The following AKAP9 variants were observed in gnomAD, a reference collection of about 807,000 sequenced individuals.
AKAP9 encodes A-kinase anchoring protein 9.
Under a neutral mutation model 488.5 loss-of-function variants are expected in AKAP9, and 311 were observed. The observed-to-expected ratio is 0.64, with a 90% CI of 0.58 to 0.70. The LOEUF (loss-of-function observed/expected upper bound fraction) is 0.70, where lower values mean the gene tolerates loss of function less well. Ranked by LOEUF, AKAP9 falls within the 30% of genes least tolerant of loss-of-function variation. AKAP9 has a pLI of 0.00. For synonymous variants in AKAP9, 1,462 were observed against 1,483.5 expected (o/e 0.99, Z 0.33); for missense variants, 4,215 against 4,374.5 (o/e 0.96, Z 1.03).
chr7:92,065,159 G>GTTA, intron 24 of AKAP9, 72 bp from the exon 25 acceptor site: 1 of 1,021,074 alleles, frequency 9.8e-7, no homozygotes, highest in Non-Finnish European at 1.5e-6. Flanking sequence ...TTTGGACATA[G>GTTA]TTATCAGGGA....
At chr7:92,064,076 C>T (rs946893830) in intron 24 of AKAP9, among the ~76,000 whole-genome samples, 1 of 152,118 alleles carries the variant, frequency 6.6e-6, no homozygotes, top group African/African-American at 2.4e-5. Context: ...GCCACCATAC[C>T]CAGCCATTTT....
intron 7 of AKAP9, among the ~76,000 whole-genome samples, chr7:92,000,446 A>G (rs1799013843): frequency 6.6e-6 from 1 of 152,186 alleles, no homozygotes; most frequent in African/African-American, 2.4e-5. Context: ...ATTTATTTTT[A>G]TCTTTCTGAA....
intron 21 of AKAP9, among the ~76,000 whole-genome samples, chr7:92,050,593 C>T (rs1461260300): frequency 6.6e-6 from 1 of 152,178 alleles, no homozygotes; most frequent in African/African-American, 2.4e-5. Context: ...TCTCTCCTGC[C>T]TCTCTCTGAT....
chr7:92,071,303 TATA>T (rs1811687069), intron 28 of AKAP9, among the ~76,000 whole-genome samples: 1 of 145,754 alleles, frequency 6.9e-6, no homozygotes. Flanking sequence ...GGTGGAGAGA[TATA>T]GTAGTGTTAG....
At chr7:91,996,680 A>C (rs2130649407) in intron 7 of AKAP9, among the ~76,000 whole-genome samples, 1 of 152,324 alleles carries the variant, frequency 6.6e-6, no homozygotes, top group Non-Finnish European at 1.5e-5. Context: ...TTACAAATAA[A>C]TTTTAGCAAG....
At chr7:92,033,995 T>C (rs1213450149) in intron 16 of AKAP9, among the ~76,000 whole-genome samples, 2 of 152,042 alleles carry the variant, frequency 1.3e-5, no homozygotes, top group African/African-American at 2.4e-5. Context: ...ATAAGTACTA[T>C]GAAGAAAAAA....
At chr7:92,087,754 A>G in intron 37 of AKAP9, among the ~76,000 whole-genome samples, 1 of 152,094 alleles carries the variant, frequency 6.6e-6, no homozygotes, top group Non-Finnish European at 1.5e-5. Flanking sequence ...GAAAGGTCAT[A>G]GAAGCCAGCT....
At position 92,102,577 on chromosome 7, in the gene AKAP9, C is replaced by G; in HGVS notation, c.11098-17C>G. Reference sequence around the variant, plus strand: ...GTTTTCTTAATGTCTTTACATTCTTCTCTTCCCTAAATATAGAGAATTTAT... The same window carrying G: ...GTTTTCTTAATGTCTTTACATTCTTGTCTTCCCTAAATATAGAGAATTTAT... On this transcript the variant is annotated splice_polypyrimidine_tract_variant and intron_variant, in intron 45 of 49. Coordinates refer to ENST00000356239, the MANE Select transcript of AKAP9 (RefSeq NM_005751.5). The G allele has an allele frequency of 6.2e-7, 1 of 1,606,410 alleles. No individual in the cohort carries two copies. The highest frequency in any genetic ancestry group is 8.5e-7 in the Non-Finnish European group (1 of 1,173,050).
intron 16 of AKAP9, 58 bp from the exon 17 acceptor site, chr7:92,038,361 T>TA: frequency 7.1e-7 from 1 of 1,414,066 alleles, no homozygotes; most frequent in Non-Finnish European, 9.9e-7. Context: ...ATTTACTTTT[T>TA]AAATTCCTGC....
chr7:92,107,251 G>A (rs1161853048), intron 47 of AKAP9, 42 bp from the exon 48 acceptor site: 1 of 1,608,882 alleles, frequency 6.2e-7, no homozygotes, highest in East Asian at 2.2e-5. Flanking sequence ...AAGGTCTTGG[G>A]ATTTTATTTT....
At chr7:92,004,355 G>A (rs1799540143) in intron 8 of AKAP9, among the ~76,000 whole-genome samples, 1 of 151,896 alleles carries the variant, frequency 6.6e-6, no homozygotes, top group Non-Finnish European at 1.5e-5. Context: ...TCATTTCTGT[G>A]AAGAAAGTCA....
intron 22 of AKAP9, among the ~76,000 whole-genome samples, chr7:92,055,305 C>G (rs1288040672): frequency 6.6e-6 from 1 of 152,034 alleles, no homozygotes; most frequent in Non-Finnish European, 1.5e-5. Flanking sequence ...TGAAACATAA[C>G]TGCAATCAAA....
intron 14 of AKAP9, among the ~76,000 whole-genome samples, chr7:92,028,344 A>C (rs1325272622): frequency 6.7e-6 from 1 of 148,520 alleles, no homozygotes; most frequent in Non-Finnish European, 1.5e-5. Context: ...ATTGTGGACT[A>C]AGTAGTACTT....
At chr7:91,974,004 CT>C (rs753029759) in intron 2 of AKAP9, 36 bp downstream of exon 2, 2 of 1,611,530 alleles carry the variant, frequency 1.2e-6, no homozygotes, top group Admixed American at 3.3e-5. Context: ...CATTATGGTT[CT>C]CGATGGAAAG....
In AKAP9 at chr7:92,001,132, G is replaced by A. The variant is rs745393946; in HGVS notation, c.1215G>A (p.Gln405=). ...KQLMGTVEEL[Q]KRNHKDSQFE... is the part of the protein sequence containing the mutation. ...TAATGGGGACAGTCGAAGAACTTCA[G>A]AAGAGAAATCATAAAGACAGCCAGT... The change falls in exon 8 of 50, where the codon CAG becomes CAA. Residue 405 remains glutamine (Q), a synonymous_variant. Coordinates refer to ENST00000356239, the MANE Select transcript of AKAP9 (RefSeq NM_005751.5). 1.5e-5 allele frequency: 24 copies of A among 1,614,016 alleles called. No homozygotes were observed. Among genetic ancestry groups the A allele is most frequent in the Non-Finnish European group, 1.9e-5 (22 of 1,179,946 alleles).
intron 10 of AKAP9, among the ~76,000 whole-genome samples, chr7:92,014,628 C>T (rs965846459): frequency 1.3e-5 from 2 of 151,654 alleles, no homozygotes; most frequent in Non-Finnish European, 2.9e-5. Flanking sequence ...GACTCTGTCT[C>T]AAAAAAATAA....
chr7:91,980,212 A>T, intron 2 of AKAP9, 77 bp from the exon 3 acceptor site: 1 of 828,138 alleles, frequency 1.2e-6, no homozygotes, highest in Non-Finnish European at 2.0e-6. Context: ...ATATGTTACC[A>T]ATAGTAATGG....
chr7:92,099,853 G>A lies in AKAP9; in HGVS notation c.10880G>A (p.Gly3627Glu), dbSNP rs753656531. Residue 3627 changes from glycine to glutamate, a missense_variant, in exon 44 of 50, where the codon GGA becomes GAA. Coordinates refer to ENST00000356239, the MANE Select transcript of AKAP9 (RefSeq NM_005751.5). The part of the protein sequence containing the change: ...EEQIRWYRQT[G>E]AGRDNSSRFS... ...CAGATCAGGTGGTATCGACAGACAG[G>A]AGCTGGTAGAGATAATGTATGTCCA... 43 of 1,613,784 alleles carry A rather than the reference G, an allele frequency of 2.7e-5. No individual in the cohort carries two copies. Among genetic ancestry groups the A allele is most frequent in the East Asian group, 1.3e-4 (6 of 44,882 alleles).
At position 92,062,334 on chromosome 7, in the gene AKAP9, C is replaced by A. The variant is rs768512576; in HGVS notation, c.5825C>A (p.Thr1942Asn). ...TTTGAAAGGCAAATTCAGGAAAAAA[C>A]TGATATAATAGATCGTCTTGAGCAG... is the stretch of plus-strand genomic sequence containing the variant. ...TLFERQIQEK[T>N]DIIDRLEQEL... Residue 1942 changes from threonine (T) to asparagine (N), a missense_variant, in exon 24 of 50, where the codon ACT (threonine) becomes AAT (asparagine). Around this residue, in one of 5 missense-constraint regions of AKAP9, gnomAD observed 2,361 missense variants for 2,430.0 expected, o/e 0.97. Transcript: ENST00000356239. 22 of 1,613,654 alleles carry A rather than the reference C, an allele frequency of 1.4e-5. No homozygotes were observed. The highest frequency in any genetic ancestry group is 1.6e-5 in the Non-Finnish European group (19 of 1,179,808).
Sources: gnomAD v4.1 joint callset for allele counts (sites outside exome capture counted in the v4.1 genomes callset) on GRCh38, gnomAD v4.1.1 for gene constraint, gnomAD v4.1.1 regional missense constraint, MANE v1.5 for transcripts, NCBI Gene and HGNC (gene_info 2026-07-23, HGNC 2026-07-21) for gene names.